COL14A1: variants seen among roughly 807,000 people sequenced by gnomAD.
The protein encoded by COL14A1 is collagen alpha-1(XIV) chain.
Under a neutral mutation model 230.3 loss-of-function variants are expected in COL14A1, and 136 were observed. That is an observed-to-expected ratio of 0.59 (90% CI 0.51 to 0.68). The LOEUF (loss-of-function observed/expected upper bound fraction) is 0.68, where lower values mean the gene tolerates loss of function less well. COL14A1 is among the 30% of genes least tolerant of loss of function. The pLI, the probability that COL14A1 is intolerant of heterozygous loss-of-function variation, is 0.00. For missense variants in COL14A1, 1,976 were observed against 2,215.8 expected (o/e 0.89, Z 2.17); for synonymous variants, 792 against 784.1 (o/e 1.01, Z -0.17).
At chr8:120,228,217 T>C (rs1359959094) in intron 17 of COL14A1, among the ~76,000 whole-genome samples, 1 of 152,158 alleles carries the variant, frequency 6.6e-6, no homozygotes, top group South Asian at 2.1e-4. Context: ...GATTGGTGTG[T>C]TGACCCTAAA....
At chr8:120,333,420 C>T (rs1038927418) in intron 42 of COL14A1, among the ~76,000 whole-genome samples, 7 of 152,198 alleles carry the variant, frequency 4.6e-5, no homozygotes, top group African/African-American at 1.2e-4. Context: ...GCAAGTTGTT[C>T]CTTCTAGGTT....
At chr8:120,151,622 A>G (rs1046365866) in intron 2 of COL14A1, among the ~76,000 whole-genome samples, 3 of 141,588 alleles carry the variant, frequency 2.1e-5, no homozygotes, top group Non-Finnish European at 4.6e-5. Context: ...CCTGCACAAC[A>G]GAGCAAGACT....
At chr8:120,157,362 T>C (rs1815513865) in intron 2 of COL14A1, among the ~76,000 whole-genome samples, 1 of 152,172 alleles carries the variant, frequency 6.6e-6, no homozygotes, top group African/African-American at 2.4e-5. Flanking sequence ...ATATCCGTAA[T>C]AGCCCTCTCA....
At chr8:120,296,087 T>A (rs529570226) in intron 34 of COL14A1, among the ~76,000 whole-genome samples, 1 of 152,034 alleles carries the variant, frequency 6.6e-6, no homozygotes, top group South Asian at 2.1e-4. Flanking sequence ...CTTAATTTTT[T>A]ATTGGACATA....
chr8:120,148,411 G>A (rs1319893593), intron 2 of COL14A1, among the ~76,000 whole-genome samples: 3 of 152,098 alleles, frequency 2.0e-5, no homozygotes, highest in African/African-American at 4.8e-5. Context: ...GATTACAGGT[G>A]TGAGCCACCA....
intron 16 of COL14A1, 95 bp from the exon 17 acceptor site, chr8:120,227,125 A>G (rs1818121279): frequency 2.1e-5 from 29 of 1,410,020 alleles, no homozygotes; most frequent in Non-Finnish European, 2.8e-5. Flanking sequence ...GGAGTTCTTT[A>G]TGATTGGTTG....
intron 34 of COL14A1, among the ~76,000 whole-genome samples, chr8:120,291,366 C>T (rs369277551): frequency 2.0e-5 from 3 of 151,846 alleles, no homozygotes; most frequent in Non-Finnish European, 2.9e-5. Context: ...TCAAGACCGT[C>T]CTGTCTAACA....
Position 120,207,049 on chromosome 8 carries a change from A to C in COL14A1, c.1146A>C (p.Lys382Asn), listed in dbSNP as rs752601494. ...NWTHAPGNVE[K>N]YRVVYYPTRG... The stretch of plus-strand genomic sequence containing the variant: ...CTCATGCCCCAGGAAATGTGGAAAA[A>C]TACAGAGTTGTGTATTATCCTACCA... The change falls in exon 10 of 48, where the codon AAA (lysine) becomes AAC (asparagine). Residue 382 changes from lysine (K) to asparagine (N), a missense_variant. This residue lies in a region of COL14A1 where 1,791 missense variants were observed against 2,019.5 expected (regional missense o/e 0.89). Coordinates refer to ENST00000297848, the MANE Select transcript of COL14A1 (RefSeq NM_021110.4). 2 of 1,613,844 alleles carry C rather than the reference A, an allele frequency of 1.2e-6. No individual in the cohort carries two copies. Among genetic ancestry groups the C allele is most frequent in the African/African-American group, 2.7e-5 (2 of 74,918 alleles).
At chr8:120,124,486 T>C (rs1241143942), upstream of COL14A1, among the ~76,000 whole-genome samples, 1 of 152,190 alleles carries the variant, frequency 6.6e-6, no homozygotes, top group African/African-American at 2.4e-5. Flanking sequence ...CAGCAGGTTA[T>C]GAGGTACAAC....
At chr8:120,256,275 C>G (rs947212245) in intron 23 of COL14A1, among the ~76,000 whole-genome samples, 2 of 152,114 alleles carry the variant, frequency 1.3e-5, no homozygotes, top group African/African-American at 4.8e-5. Flanking sequence ...CTAATTATTT[C>G]TAGTCCAGAT....
chr8:120,146,510 A>G (rs1425000642), intron 1 of COL14A1, among the ~76,000 whole-genome samples: 1 of 152,022 alleles, frequency 6.6e-6, no homozygotes, highest in African/African-American at 2.4e-5. Context: ...TGCTCATTTA[A>G]CTCATTACTT....
chr8:120,184,236 T>G (rs1417067029), intron 5 of COL14A1, among the ~76,000 whole-genome samples: 1 of 146,316 alleles, frequency 6.8e-6, no homozygotes, highest in Admixed American at 6.9e-5. Flanking sequence ...TTTATTTATT[T>G]ATTTATTTAT....
intron 46 of COL14A1, among the ~76,000 whole-genome samples, chr8:120,367,664 G>A (rs756098227): frequency 6.0e-5 from 9 of 150,798 alleles, no homozygotes; most frequent in African/African-American, 1.2e-4. Flanking sequence ...GGCTGGGTGC[G>A]GTGGCTCACT....
intron 5 of COL14A1, among the ~76,000 whole-genome samples, chr8:120,187,623 A>T (rs1181823113): frequency 6.6e-6 from 1 of 152,244 alleles, no homozygotes; most frequent in Admixed American, 6.5e-5. Context: ...TGATGTCAGT[A>T]ACACAATAAA....
chr8:120,324,691 T>G (rs894448397), intron 40 of COL14A1, among the ~76,000 whole-genome samples: 1 of 152,182 alleles, frequency 6.6e-6, no homozygotes, highest in African/African-American at 2.4e-5. Flanking sequence ...GAGTGTAGCA[T>G]CAGTTGAATA....
intron 5 of COL14A1, among the ~76,000 whole-genome samples, chr8:120,190,650 T>A (rs1816792694): frequency 1.3e-5 from 2 of 152,226 alleles, no homozygotes; most frequent in African/African-American, 2.4e-5. Flanking sequence ...TCTGGTAGAA[T>A]TCGGCTGTGA....
chr8:120,334,735 A>T (rs187136261), intron 42 of COL14A1, among the ~76,000 whole-genome samples: 65 of 152,288 alleles, frequency 4.3e-4, no homozygotes, highest in Admixed American at 8.5e-4. Context: ...TGCTTCCCAG[A>T]ATGTGCTCCT....
intron 1 of COL14A1, among the ~76,000 whole-genome samples, chr8:120,147,365 A>C (rs181128497): frequency 1.3e-5 from 2 of 152,332 alleles, no homozygotes; most frequent in Admixed American, 1.3e-4. Flanking sequence ...TTGGATCACC[A>C]GTAGAAAGGT....
intron 36 of COL14A1, among the ~76,000 whole-genome samples, chr8:120,308,019 T>G (rs1820905488): frequency 6.6e-6 from 1 of 152,262 alleles, no homozygotes; most frequent in South Asian, 2.1e-4. Context: ...TCTCACGCTG[T>G]CGCTTAGGCT....
Sources: allele counts gnomAD v4.1 joint callset (sites outside exome capture counted in the v4.1 genomes callset), GRCh38; gene constraint gnomAD v4.1.1; regional missense constraint gnomAD v4.1.1; transcripts MANE v1.5; gene names NCBI Gene and HGNC (gene_info 2026-07-23, HGNC 2026-07-21).